The following LYRM7 variants were observed in gnomAD, a reference collection of about 807,000 sequenced individuals.
LYRM7 encodes the protein LYR motif containing 7, also known as complex III assembly factor LYRM7.
LYRM7 carries 9 observed loss-of-function variants against 15.8 expected under a neutral mutation model. That is an observed-to-expected ratio of 0.57 (90% CI 0.34 to 0.99). LYRM7 has a LOEUF of 0.99. Ranked by LOEUF, LYRM7 falls within the 50% of genes least tolerant of loss-of-function variation. LYRM7 has a pLI of 0.02. For missense variants in LYRM7, 115 were observed against 119.1 expected, an observed-to-expected ratio of 0.97 and a Z score of 0.16; for synonymous variants, 39 against 39.4, an observed-to-expected ratio of 0.99 and a Z score of 0.04.
At chr5:131,174,269 G>A (rs1027682499) in intron 1 of LYRM7, among the ~76,000 whole-genome samples, 12 of 152,236 alleles carry the variant, frequency 7.9e-5, no homozygotes, top group African/African-American at 2.9e-4. Context: ...CGAGATTGCA[G>A]CAATTCAGTC....
chr5:131,198,373 A>G (rs1756004293), intron 4 of LYRM7, among the ~76,000 whole-genome samples: 1 of 152,164 alleles, frequency 6.6e-6, no homozygotes, highest in Non-Finnish European at 1.5e-5. Flanking sequence ...TGTAGTCATC[A>G]TGTCTCTTTA....
In LYRM7 at chr5:131,201,330, A is replaced by AAAAAAGG. The variant is rs1452270947; in HGVS notation, c.*1742_*1748dup. ...CTCTGTCTCAAAAAAAAAAAAGAAAAAAAAAGGAAAAAGGAAAAAAAAAAG... is the reference window on the plus strand; with the variant it reads ...CTCTGTCTCAAAAAAAAAAAAGAAAAAAAAAGGAAAAAGGAAAAAGGAAAAAAAAAAG... On this transcript the variant is annotated 3_prime_UTR_variant, in exon 5 of 5. Transcript: ENST00000379380. 6.6e-6 allele frequency: 1 copy of AAAAAAGG among 151,936 alleles called. No individual in the cohort carries two copies. The highest frequency in any genetic ancestry group is 2.1e-4 in the South Asian group (1 of 4,826). 9.4% of individuals were successfully genotyped at this position (151,936 alleles called of 1,614,324 possible).
chr5:131,180,574 G>C (rs1755674993), intron 2 of LYRM7, among the ~76,000 whole-genome samples: 1 of 152,150 alleles, frequency 6.6e-6, no homozygotes, highest in African/African-American at 2.4e-5. Context: ...TCTAAATTCA[G>C]TATCTCCCTG....
Position 131,181,477 on chromosome 5 carries a change from A to AT in LYRM7, c.92-752_92-751insT, listed in dbSNP as rs568940709. Among the ~76,000 whole-genome samples, 241 of 127,570 alleles carry AT rather than the reference A, an allele frequency of 1.9e-3. 2 individuals carry two copies. The highest frequency in any genetic ancestry group is 2.9e-3 in the Non-Finnish European group (183 of 62,218). 83.7% of individuals were successfully genotyped at this position (127,570 alleles called of 152,430 possible). ...AAAACATATATATGTATATATATAT[A>AT]ACATATATATGTATATATACACACA... On this transcript the variant is annotated intron_variant, in intron 2 of 4. Transcript: ENST00000379380.
chr5:131,181,580 G>T (rs1478002300), intron 2 of LYRM7, among the ~76,000 whole-genome samples: 1 of 150,078 alleles, frequency 6.7e-6, no homozygotes, highest in Non-Finnish European at 1.5e-5. Flanking sequence ...AAGTGGAATA[G>T]TTATAAGAAC....
intron 4 of LYRM7, among the ~76,000 whole-genome samples, chr5:131,194,147 A>T (rs1456030706): frequency 1.3e-5 from 2 of 152,194 alleles, no homozygotes; most frequent in Admixed American, 6.5e-5. Context: ...ACATCAACAA[A>T]CTAAGGCTGT....
chr5:131,188,491 G>T (rs1204058574), intron 4 of LYRM7, among the ~76,000 whole-genome samples: 1 of 151,006 alleles, frequency 6.6e-6, no homozygotes, highest in Non-Finnish European at 1.5e-5. Flanking sequence ...TATTTCTCTG[G>T]TAACTAATGA....
At chr5:131,194,154 C>T (rs1755928851) in intron 4 of LYRM7, among the ~76,000 whole-genome samples, 1 of 152,066 alleles carries the variant, frequency 6.6e-6, no homozygotes, top group African/African-American at 2.4e-5. Context: ...CAAACTAAGG[C>T]TGTTATAGTA....
chr5:131,189,640 C>T (rs1173917820), intron 4 of LYRM7, among the ~76,000 whole-genome samples: 1 of 151,966 alleles, frequency 6.6e-6, no homozygotes, highest in African/African-American at 2.4e-5. Context: ...TACAGGATCA[C>T]CTTTGTCATA....
rs1047417763 is a variant in LYRM7, at chr5:131,203,381, T to G, written c.*3780T>G. ...TCCTAGATAGGACAATTGAAAATTC[T>G]GGAGATGACAGTTTTTCAAAAATCT... is the stretch of plus-strand genomic sequence containing the variant. On this transcript the variant is annotated 3_prime_UTR_variant, in exon 5 of 5. Coordinates refer to ENST00000379380, the MANE Select transcript of LYRM7 (RefSeq NM_181705.4). The G allele has an allele frequency of 1.3e-5, 2 of 152,246 alleles. No individual in the cohort carries two copies. The highest frequency in any genetic ancestry group is 4.8e-5 in the African/African-American group (2 of 41,464). 9.4% of individuals were successfully genotyped at this position (152,246 alleles called of 1,614,324 possible).
chr5:131,205,008 A>G lies in LYRM7; in HGVS notation c.*5407A>G, dbSNP rs562246366. On this transcript the variant is annotated 3_prime_UTR_variant, in exon 5 of 5. Transcript: ENST00000379380. ...CAATAAGCTACTAGTGATTTTTAAT[A>G]TAAAATTAACTATAAAATATTTTAA... 6.6e-6 allele frequency: 1 copy of G among 152,194 alleles called. No homozygotes were observed. The highest frequency in any genetic ancestry group is 2.4e-5 in the African/African-American group (1 of 41,450). 9.4% of individuals were successfully genotyped at this position (152,194 alleles called of 1,614,324 possible).
chr5:131,183,955 T>A (rs573671909), intron 3 of LYRM7, among the ~76,000 whole-genome samples: 6 of 152,162 alleles, frequency 3.9e-5, no homozygotes, highest in African/African-American at 1.4e-4. Flanking sequence ...GGTATTGGTT[T>A]TTTTGTTTTT....
intron 1 of LYRM7, among the ~76,000 whole-genome samples, chr5:131,173,974 T>A (rs1561541970): frequency 6.6e-6 from 1 of 152,220 alleles, no homozygotes; most frequent in Non-Finnish European, 1.5e-5. Flanking sequence ...ACCACATTGA[T>A]TGACTCTTTC....
chr5:131,183,717 C>G (rs1001464324), intron 3 of LYRM7, among the ~76,000 whole-genome samples: 7 of 152,120 alleles, frequency 4.6e-5, no homozygotes, highest in African/African-American at 1.2e-4. Flanking sequence ...CCTCTCTAGA[C>G]CAGCAGTTCT....
intron 2 of LYRM7, 100 bp downstream of exon 2, chr5:131,180,267 A>C: frequency 3.0e-6 from 2 of 664,154 alleles, no homozygotes; most frequent in Non-Finnish European, 5.3e-6. Context: ...TTAGGGAATG[A>C]CCTTCACTAC....
chr5:131,171,452 G>A (rs1027012240), intron 1 of LYRM7, among the ~76,000 whole-genome samples: 2 of 152,196 alleles, frequency 1.3e-5, no homozygotes, highest in African/African-American at 4.8e-5. Context: ...AACAGAAGGT[G>A]CACAGAAGTC....
chr5:131,171,879 C>T (rs1028604602), intron 1 of LYRM7: 3 of 152,308 alleles, frequency 2.0e-5, no homozygotes, highest in Non-Finnish European at 4.4e-5. Context: ...CAGAATTGCT[C>T]AGGGTTATTC....
At chr5:131,179,468 T>C (rs1755655060) in intron 1 of LYRM7, among the ~76,000 whole-genome samples, 1 of 98,014 alleles carries the variant, frequency 1.0e-5, no homozygotes, top group Non-Finnish European at 2.0e-5. Flanking sequence ...TTTTTTTTTT[T>C]TTTTCTTTTT....
At chr5:131,179,455 C>CTTTTTTTTTTTTTTTTTT (rs1276304946) in intron 1 of LYRM7, among the ~76,000 whole-genome samples, 66 of 95,336 alleles carry the variant, frequency 6.9e-4, no homozygotes, top group African/African-American at 2.1e-3. Flanking sequence ...TTTTTCTTTT[C>CTTTTTTTTTTTTTTTTTT]TTTTTTTTTT....
Sources: gnomAD v4.1 joint callset for allele counts (sites outside exome capture counted in the v4.1 genomes callset) on GRCh38, gnomAD v4.1.1 for gene constraint, MANE v1.5 for transcripts, NCBI Gene and HGNC (gene_info 2026-07-23, HGNC 2026-07-21) for gene names.